SRSF6: variants seen among roughly 807,000 people sequenced by gnomAD.
The protein encoded by SRSF6 is serine/arginine-rich splicing factor 6.
A neutral mutation model predicts 42.0 loss-of-function variants in SRSF6; 17 were observed. That is an observed-to-expected ratio of 0.40 (90% CI 0.28 to 0.61). The LOEUF (loss-of-function observed/expected upper bound fraction) is 0.61, where lower values mean the gene tolerates loss of function less well. Ranked by LOEUF, SRSF6 falls within the 20% of genes least tolerant of loss-of-function variation. The pLI is 0.37. For missense variants in SRSF6, 379 were observed against 471.4 expected, an observed-to-expected ratio of 0.80 and a Z score of 1.81; for synonymous variants, 204 against 166.7, an observed-to-expected ratio of 1.22 and a Z score of -1.72.
chr20:43,458,125 T>C lies in SRSF6; in HGVS notation c.92T>C (p.Val31Ala). Reference protein sequence around the residue: ...FFSGYGRLLEVDLKNGYGFVE... With the variant: ...FFSGYGRLLEADLKNGYGFVE... ...AGTGGCTATGGCCGCCTCCTCGAAGTAGACCTCAAAAATGGGTGAGTCGGG... is the reference window on the plus strand; with the variant it reads ...AGTGGCTATGGCCGCCTCCTCGAAGCAGACCTCAAAAATGGGTGAGTCGGG... The change falls in exon 1 of 6, where the codon GTA becomes GCA. Residue 31 changes from valine (V) to alanine (A), a missense_variant. Coordinates refer to ENST00000244020, the MANE Select transcript of SRSF6 (RefSeq NM_006275.6). The C allele has an allele frequency of 6.2e-7, 1 of 1,613,100 alleles. No homozygotes were observed. The highest frequency in any genetic ancestry group is 8.5e-7 in the Non-Finnish European group (1 of 1,179,500).
Position 43,458,452 on chromosome 20 carries a change from G to A in SRSF6, c.199G>A (p.Val67Ile), listed in dbSNP as rs776233880. 6.5e-7 allele frequency: 1 copy of A among 1,529,168 alleles called. No homozygotes were observed. The allele number at this position is 1,529,168 out of a possible 1,614,324, so 94.7% of individuals were successfully genotyped here. The part of the protein sequence containing the change: ...GKELCGERVI[V>I]EHARGPRRDR... ...GGAGCTCTGCGGCGAGCGCGTGATCGTAGAGCACGCCCGGGGCCCGCGTCG... is the reference window on the plus strand; with the variant it reads ...GGAGCTCTGCGGCGAGCGCGTGATCATAGAGCACGCCCGGGGCCCGCGTCG... Residue 67 changes from valine to isoleucine, a missense_variant, in exon 2 of 6, where the codon GTA becomes ATA. Coordinates refer to ENST00000244020, the MANE Select transcript of SRSF6 (RefSeq NM_006275.6).
In SRSF6 at chr20:43,461,169, C is replaced by A; in HGVS notation, c.*106C>A. On this transcript the variant is annotated 3_prime_UTR_variant, in exon 6 of 6. Coordinates refer to ENST00000244020, the MANE Select transcript of SRSF6 (RefSeq NM_006275.6). ...TTCTGCAAGAGGAATCTCTTGAAAA[C>A]AGGGGCACACAGAAATTTGATTTGT... is the stretch of plus-strand genomic sequence containing the variant. The A allele has an allele frequency of 7.1e-7, 1 of 1,409,736 alleles. No homozygotes were observed. The highest frequency in any genetic ancestry group is 9.2e-7 in the Non-Finnish European group (1 of 1,082,558). The allele number at this position is 1,409,736 out of a possible 1,614,324, so 87.3% of individuals were successfully genotyped here. A position where few individuals can be genotyped will look rare whatever the true frequency, so the allele number is the denominator to read the frequency against.
rs143597136 is a variant in SRSF6 at position 43,460,452 on chromosome 20, C to T, written c.591-63C>T. The T allele has an allele frequency of 3.4e-4, 525 of 1,522,898 alleles. 3 individuals carry two copies. In the African/African-American group the frequency reaches 6.4e-3, roughly 19 times the overall value. The allele number at this position is 1,522,898 out of a possible 1,614,324, so 94.3% of individuals were successfully genotyped here. On this transcript the variant is annotated intron_variant, in intron 4 of 5. Coordinates refer to ENST00000244020, the MANE Select transcript of SRSF6 (RefSeq NM_006275.6). ...TATTCTTTGGCTTATCTATTTTTGC[C>T]AGATGGCACGGATGTATTTAAGTTG...
rs777062967 is a variant in SRSF6 at position 43,461,048 on chromosome 20, G to A, written c.1020G>A (p.Ser340=). ...CAAAGTCAAGATCAAGGTCCAGGTCGAGTTCCAGAGATTAACTCAGAACTC... is the reference window on the plus strand; with the variant it reads ...CAAAGTCAAGATCAAGGTCCAGGTCAAGTTCCAGAGATTAACTCAGAACTC... ...SRSKSRSRSR[S]SSRD is the part of the protein sequence containing the mutation. Residue 340 remains serine (S), a synonymous_variant, in exon 6 of 6, where the codon TCG becomes TCA. Transcript: ENST00000244020. 8 of 1,580,898 alleles carry A rather than the reference G, an allele frequency of 5.1e-6. No individual in the cohort carries two copies. The highest frequency in any genetic ancestry group is 3.8e-5 in the Admixed American group (2 of 53,294).
rs1312003547 is a variant in SRSF6, at chr20:43,460,524, T to G, written c.600T>G (p.Ser200=). 6.2e-7 allele frequency: 1 copy of G among 1,613,464 alleles called. No homozygotes were observed. Among genetic ancestry groups the G allele is most frequent in the Non-Finnish European group, 8.5e-7 (1 of 1,179,756 alleles). The change falls in exon 5 of 6, where the codon TCT becomes TCG. Residue 200 remains serine (S), a synonymous_variant. Coordinates refer to ENST00000244020, the MANE Select transcript of SRSF6 (RefSeq NM_006275.6). ...GTTTTTCTCCTAATAGGTCTCGATC[T>G]AGAAGACGGTCACGAAGTAGGAGTC... ...SYSGSRSRSR[S]RRRSRSRSRR... is the part of the protein sequence containing the mutation.
chr20:43,458,024 C>T lies in SRSF6; in HGVS notation c.-10C>T, dbSNP rs1184954586. 1.9e-6 allele frequency: 3 copies of T among 1,608,244 alleles called. No individual in the cohort carries two copies. Among genetic ancestry groups the T allele is most frequent in the Non-Finnish European group, 2.5e-6 (3 of 1,177,420 alleles). On this transcript the variant is annotated 5_prime_UTR_variant, in exon 1 of 6. Transcript: ENST00000244020. ...GACAACCAGCCCTTGGGTCCCCGCC[C>T]GCCACGGACATGCCGCGCGTCTACA...
Position 43,460,026 on chromosome 20 carries a change from C to G in SRSF6, c.382-7C>G. ...GATTTCCGAGTCTGACCAATCTTGTCTTTCAGGATTTTATGCGACAAGCAG... is the reference window on the plus strand; with the variant it reads ...GATTTCCGAGTCTGACCAATCTTGTGTTTCAGGATTTTATGCGACAAGCAG... On this transcript the variant is annotated splice_region_variant and splice_polypyrimidine_tract_variant and intron_variant, in intron 3 of 5. Transcript: ENST00000244020. The G allele has an allele frequency of 1.9e-6, 3 of 1,614,106 alleles. No individual in the cohort carries two copies. Among genetic ancestry groups the G allele is most frequent in the Non-Finnish European group, 2.5e-6 (3 of 1,180,016 alleles).
rs1427525686 is a variant in SRSF6 at position 43,461,013 on chromosome 20, A to G, written c.985A>G (p.Arg329Gly). The change falls in exon 6 of 6, where the codon AGA becomes GGA. Residue 329 changes from arginine to glycine, a missense_variant. Transcript: ENST00000244020. ...PKRATSRSRSRSRSKSRSRSR... is the reference protein window; with the variant it reads ...PKRATSRSRSGSRSKSRSRSR... ...AAGAGCTACTTCAAGATCCCGTTCTAGATCTCGCTCAAAGTCAAGATCAAG... is the reference window on the plus strand; with the variant it reads ...AAGAGCTACTTCAAGATCCCGTTCTGGATCTCGCTCAAAGTCAAGATCAAG... 2 of 1,608,172 alleles carry G rather than the reference A, an allele frequency of 1.2e-6. No homozygotes were observed. Among genetic ancestry groups the G allele is most frequent in the East Asian group, 2.2e-5 (1 of 44,826 alleles).
intron 4 of SRSF6, 122 bp downstream of exon 4, chr20:43,460,363 C>T: frequency 1.6e-6 from 2 of 1,289,388 alleles, no homozygotes; most frequent in Non-Finnish European, 2.2e-6. Context: ...TTTGGCTGTG[C>T]ATCATTGCGT....
At chr20:43,459,585 A>G (rs1265038492) in intron 2 of SRSF6, among the ~76,000 whole-genome samples, 186 bp from the exon 3 acceptor site, 2 of 152,260 alleles carry the variant, frequency 1.3e-5, no homozygotes, top group Non-Finnish European at 2.9e-5. Context: ...GTTTAGTTGG[A>G]TTTAGTCTAT....
intron 4 of SRSF6, 52 bp downstream of exon 4, chr20:43,460,293 G>C (rs1199809033): frequency 3.2e-6 from 5 of 1,580,904 alleles, no homozygotes; most frequent in Non-Finnish European, 4.3e-6. Context: ...CCAATAAAAA[G>C]GGAGTAATTG....
rs772632730 is a variant in SRSF6 at position 43,459,741 on chromosome 20, G to A, written c.257-30G>A. 12 of 1,612,230 alleles carry A rather than the reference G, an allele frequency of 7.4e-6. No homozygotes were observed. The East Asian group carries it at 2.2e-4, about 30-fold the overall frequency. On this transcript the variant is annotated intron_variant, in intron 2 of 5. Transcript: ENST00000244020. ...CATTATGCGTTTTTATCATTACAAG[G>A]CATCTAATTGTTCCCTTCATGTGAT...
At chr20:43,459,397 C>A in intron 2 of SRSF6, 2 of 1,319,394 alleles carry the variant, frequency 1.5e-6, no homozygotes, top group Admixed American at 4.2e-5. Context: ...GGCCAAACCA[C>A]CACCAAAAAC....
chr20:43,463,789 A>ATCAC lies in SRSF6; in HGVS notation c.*2728_*2731dup, dbSNP rs1568903523. On this transcript the variant is annotated 3_prime_UTR_variant, in exon 6 of 6. Coordinates refer to ENST00000244020, the MANE Select transcript of SRSF6 (RefSeq NM_006275.6). ...ATGGTTTATGTTGGGCAACTCATTA[A>ATCAC]TCACTGTGCTTCAGTGTCATCCATG... 1 of 152,238 alleles carries ATCAC rather than the reference A, an allele frequency of 6.6e-6. No homozygotes were observed. The highest frequency in any genetic ancestry group is 1.5e-5 in the Non-Finnish European group (1 of 68,046). 9.4% of individuals were successfully genotyped at this position (152,238 alleles called of 1,614,324 possible). A position where few individuals can be genotyped will look rare whatever the true frequency, so the allele number is the denominator to read the frequency against.
intron 4 of SRSF6, 100 bp downstream of exon 4, chr20:43,460,341 C>G: frequency 7.0e-7 from 1 of 1,434,310 alleles, no homozygotes; most frequent in Non-Finnish European, 9.6e-7. Flanking sequence ...TTAAAGCCAG[C>G]TTTTAGTTTG....
chr20:43,458,431 C>T lies in SRSF6; in HGVS notation c.178C>T (p.Leu60Phe). 1 of 1,543,602 alleles carries T rather than the reference C, an allele frequency of 6.5e-7. No individual in the cohort carries two copies. ...CGTTTACGAGCTGAACGGCAAGGAG[C>T]TCTGCGGCGAGCGCGTGATCGTAGA... The part of the protein sequence containing the change: ...DAVYELNGKE[L>F]CGERVIVEHA... The change falls in exon 2 of 6, where the codon CTC becomes TTC. Residue 60 changes from leucine (L) to phenylalanine (F), a missense_variant. Leu to Phe is a conservative substitution (Grantham distance 22, BLOSUM62 0). This residue lies in a region of SRSF6 where 117 missense variants were observed against 146.8 expected (regional missense o/e 0.80). Coordinates refer to ENST00000244020, the MANE Select transcript of SRSF6 (RefSeq NM_006275.6).
intron 4 of SRSF6, 114 bp downstream of exon 4, chr20:43,460,355 T>G: frequency 7.3e-7 from 1 of 1,366,884 alleles, no homozygotes; most frequent in Non-Finnish European, 1.0e-6. Flanking sequence ...TAGTTTGTTT[T>G]GGCTGTGCAT....
chr20:43,457,925 G>C lies in SRSF6; in HGVS notation c.-109G>C, dbSNP rs566693117. 7.7e-6 allele frequency: 7 copies of C among 903,750 alleles called. No individual in the cohort carries two copies. Among genetic ancestry groups the C allele is most frequent in the South Asian group, 4.4e-5 (3 of 67,626 alleles). 56.0% of individuals were successfully genotyped at this position (903,750 alleles called of 1,614,324 possible). A position where few individuals can be genotyped will look rare whatever the true frequency, so the allele number is the denominator to read the frequency against. ...TGTGGCTGGACTCGGCCGCCCCTGT[G>C]GTGTGAGGCGCGTGTTCGGGCTCTT... On this transcript the variant is annotated 5_prime_UTR_variant, in exon 1 of 6. Transcript: ENST00000244020.
At chr20:43,459,016 G>A (rs551429704) in intron 2 of SRSF6, 1 of 638,506 alleles carries the variant, frequency 1.6e-6, no homozygotes, top group Non-Finnish European at 2.4e-6. Flanking sequence ...TAAGCTTTAT[G>A]CTGTATTTGA....
Sources: gnomAD v4.1 joint callset for allele counts (sites outside exome capture counted in the v4.1 genomes callset) on GRCh38, gnomAD v4.1.1 for gene constraint, gnomAD v4.1.1 regional missense constraint, MANE v1.5 for transcripts, NCBI Gene and HGNC (gene_info 2026-07-23, HGNC 2026-07-21) for gene names.